Variants in DNAH9 observed in about 807,000 individuals in gnomAD.
DNAH9 encodes DNAH9 variant protein.
DNAH9 carries 345 observed loss-of-function variants against 471.6 expected under a neutral mutation model. That is an observed-to-expected ratio of 0.73 (90% CI 0.67 to 0.80). DNAH9 has a LOEUF of 0.80. DNAH9 is among the 30% of genes least tolerant of loss of function. DNAH9 has a pLI of 0.00. For missense variants in DNAH9, 5,407 were observed against 5,609.2 expected, an observed-to-expected ratio of 0.96 and a Z score of 1.15; for synonymous variants, 2,093 against 2,123.6, an observed-to-expected ratio of 0.99 and a Z score of 0.40.
intron 43 of DNAH9, among the ~76,000 whole-genome samples, chr17:11,802,697 C>T (rs1056840614): frequency 6.6e-6 from 1 of 150,626 alleles, no homozygotes; most frequent in African/African-American, 2.4e-5. Flanking sequence ...AGGAAGGAGA[C>T]TGTGTGTGTG....
At chr17:11,615,011 G>A (rs2072712876) in intron 4 of DNAH9, among the ~76,000 whole-genome samples, 1 of 152,174 alleles carries the variant, frequency 6.6e-6, no homozygotes, top group Non-Finnish European at 1.5e-5. Flanking sequence ...AAGAAGGGCT[G>A]TCTGGAGCCA....
At chr17:11,779,170 G>A (rs1426223730) in intron 38 of DNAH9, among the ~76,000 whole-genome samples, 1 of 152,162 alleles carries the variant, frequency 6.6e-6, no homozygotes, top group Non-Finnish European at 1.5e-5. Context: ...AATTCAGCCA[G>A]AATGTACAGA....
Position 11,810,280 on chromosome 17 carries a change from T to C in DNAH9, c.8618T>C (p.Val2873Ala). 1 of 1,613,570 alleles carries C rather than the reference T, an allele frequency of 6.2e-7. No homozygotes were observed. Among genetic ancestry groups the C allele is most frequent in the South Asian group, 1.1e-5 (1 of 90,920 alleles). The change falls in exon 45 of 69, where the codon GTG (valine) becomes GCG (alanine). Residue 2873 changes from valine to alanine, a missense_variant. Transcript: ENST00000262442. ...GCCAGCCTGTGTCTGAAAGCTGGAG[T>C]GAAGAATCTCAACACAGTGTTTCTC... ...DLASLCLKAGVKNLNTVFLMT... is the reference protein window; with the variant it reads ...DLASLCLKAGAKNLNTVFLMT...
intron 68 of DNAH9, among the ~76,000 whole-genome samples, chr17:11,964,244 T>C (rs1233168436): frequency 1.3e-5 from 2 of 152,138 alleles, no homozygotes; most frequent in African/African-American, 4.8e-5. Flanking sequence ...GGAGATCATA[T>C]ATGGATTGCA....
chr17:11,722,456 G>T (rs1352479270), intron 27 of DNAH9, among the ~76,000 whole-genome samples: 1 of 152,210 alleles, frequency 6.6e-6, no homozygotes, highest in Non-Finnish European at 1.5e-5. Flanking sequence ...AGGGAATGAG[G>T]AACCAGCTGA....
In DNAH9 at chr17:11,925,272, GA is replaced by G. The variant is rs753162544; in HGVS notation, c.11877+1333del. ...GGAATCCATGAAGAAATTAAAGAAA[GA>G]ATAAATGCAAAAGCCAGTCACTCCC... On this transcript the variant is annotated intron_variant, in intron 62 of 68. Coordinates refer to ENST00000262442, the MANE Select transcript of DNAH9 (RefSeq NM_001372.4). 1.1e-4 allele frequency: 49 copies of G among 442,040 alleles called. 1 individual carries two copies. The highest frequency in any genetic ancestry group is 7.7e-4 in the South Asian group (47 of 61,324). The allele number at this position is 442,040 out of a possible 1,614,324, so 27.4% of individuals were successfully genotyped here.
chr17:11,935,299 GTTACTA>G (rs1373964478), intron 65 of DNAH9, among the ~76,000 whole-genome samples: 2 of 150,470 alleles, frequency 1.3e-5, no homozygotes, highest in Non-Finnish European at 3.0e-5. Context: ...GGTCTTTTAT[GTTACTA>G]TTACCACAGC....
intron 50 of DNAH9, among the ~76,000 whole-genome samples, chr17:11,857,121 T>C (rs1414203377): frequency 6.6e-6 from 1 of 152,180 alleles, no homozygotes; most frequent in Non-Finnish European, 1.5e-5. Flanking sequence ...TTTCAAAGAC[T>C]CTTGACTCAA....
chr17:11,906,177 G>A (rs1174007337), intron 61 of DNAH9, among the ~76,000 whole-genome samples: 4 of 152,110 alleles, frequency 2.6e-5, no homozygotes, highest in African/African-American at 9.7e-5. Flanking sequence ...ACCATTTGAT[G>A]CAGCTATCCC....
At chr17:11,949,432 C>T (rs1975274361) in intron 67 of DNAH9, among the ~76,000 whole-genome samples, 2 of 151,036 alleles carry the variant, frequency 1.3e-5, no homozygotes, top group African/African-American at 2.4e-5. Flanking sequence ...GTTTAGGAAA[C>T]TGGTTGAATT....
intron 19 of DNAH9, among the ~76,000 whole-genome samples, chr17:11,683,167 T>TTTTTG (rs909672808): frequency 7.9e-5 from 12 of 152,216 alleles, no homozygotes; most frequent in South Asian, 4.1e-4. Context: ...AGTCTCTCTC[T>TTTTTG]TTTTGTTTTG....
intron 27 of DNAH9, among the ~76,000 whole-genome samples, chr17:11,719,812 T>C (rs1453076950): frequency 6.6e-6 from 1 of 152,134 alleles, no homozygotes; most frequent in East Asian, 1.9e-4. Flanking sequence ...AAACTGAACA[T>C]ATATCCAAAG....
At position 11,784,325 on chromosome 17, in the gene DNAH9, C is replaced by T; in HGVS notation, c.7847C>T (p.Ser2616Phe). ...CGTCACTTCAGCGTGTTTGTCCTCT[C>T]CTTCCCGGGGGCAGATGCCCTGTCC... is the stretch of plus-strand genomic sequence containing the variant. ...LQRHFSVFVL[S>F]FPGADALSSI... Residue 2616 changes from serine (S) to phenylalanine (F), a missense_variant, in exon 41 of 69, where the codon TCC becomes TTC. Coordinates refer to ENST00000262442, the MANE Select transcript of DNAH9 (RefSeq NM_001372.4). The T allele has an allele frequency of 6.2e-7, 1 of 1,614,194 alleles. No individual in the cohort carries two copies. The highest frequency in any genetic ancestry group is 1.1e-5 in the South Asian group (1 of 91,074).
At chr17:11,922,424 A>G (rs1197605738) in intron 61 of DNAH9, among the ~76,000 whole-genome samples, 1 of 152,134 alleles carries the variant, frequency 6.6e-6, no homozygotes, top group African/African-American at 2.4e-5. Flanking sequence ...CCTTTTATCT[A>G]AAGAATATTA....
intron 61 of DNAH9, among the ~76,000 whole-genome samples, chr17:11,907,742 A>T (rs931197276): frequency 2.0e-5 from 3 of 152,174 alleles, no homozygotes; most frequent in Non-Finnish European, 4.4e-5. Flanking sequence ...AGAACGAATA[A>T]GATGTGCATA....
intron 5 of DNAH9, among the ~76,000 whole-genome samples, chr17:11,619,128 G>C (rs2072803828): frequency 2.0e-5 from 3 of 152,252 alleles, no homozygotes; most frequent in Admixed American, 2.0e-4. Context: ...GAAGGTGGCT[G>C]TCGCTACAGC....
intron 28 of DNAH9, 94 bp downstream of exon 28, chr17:11,728,016 A>C: frequency 1.3e-6 from 1 of 793,874 alleles, no homozygotes; most frequent in Non-Finnish European, 2.2e-6. Flanking sequence ...CTGAGCATCT[A>C]CGTCCCTTTT....
rs1359659426 is a variant in DNAH9 at position 11,669,656 on chromosome 17, T to C, written c.3215T>C (p.Val1072Ala). ...IDSYETLYEE[V>A]CRLEPIKVFD... The stretch of plus-strand genomic sequence containing the variant: ...TCCTATGAAACGCTCTATGAAGAGG[T>C]GTGCAGGCTGGAACCCATCAAGGTG... Residue 1072 changes from valine (V) to alanine (A), a missense_variant, in exon 17 of 69, where the codon GTG becomes GCG. Physicochemically the swap from Val to Ala is moderately conservative, Grantham distance 64 (BLOSUM62 0). Around this residue, in one of 3 missense-constraint regions of DNAH9, gnomAD observed 4,636 missense variants for 4,900.3 expected, o/e 0.95. Coordinates refer to ENST00000262442, the MANE Select transcript of DNAH9 (RefSeq NM_001372.4). The C allele has an allele frequency of 1.2e-6, 2 of 1,614,006 alleles. No homozygotes were observed. Among genetic ancestry groups the C allele is most frequent in the Non-Finnish European group, 1.7e-6 (2 of 1,180,036 alleles).
chr17:11,805,487 A>C (rs11871457), intron 43 of DNAH9, among the ~76,000 whole-genome samples: 8,369 of 132,834 alleles, frequency 0.063, 298 homozygotes, highest in African/African-American at 0.094. Context: ...TCTCAAACGT[A>C]TCCTCTACTC....
Sources: gnomAD v4.1 joint callset for allele counts (sites outside exome capture counted in the v4.1 genomes callset) on GRCh38, gnomAD v4.1.1 for gene constraint, gnomAD v4.1.1 regional missense constraint, MANE v1.5 for transcripts, NCBI Gene and HGNC (gene_info 2026-07-23, HGNC 2026-07-21) for gene names.